Variants in ZNF69 observed in about 807,000 individuals in gnomAD.
ZNF69 encodes ZNF3.
Under a neutral mutation model 50.9 loss-of-function variants are expected in ZNF69, and 47 were observed. That is an observed-to-expected ratio of 0.92 (90% CI 0.73 to 1.18). ZNF69 has a LOEUF of 1.18. Among genes scored for constraint, ZNF69 ranks in the 50% most tolerant of loss-of-function variants. The pLI, the probability that ZNF69 is intolerant of heterozygous loss-of-function variation, is 0.00. For missense variants in ZNF69, 717 were observed against 675.1 expected (o/e 1.06, Z -0.69); for synonymous variants, 216 against 223.1 (o/e 0.97, Z 0.29).
chr19:11,923,997 CT>C, the ZNF69 span, among the ~76,000 whole-genome samples: 1 of 152,174 alleles, frequency 6.6e-6, no homozygotes, highest in African/African-American at 2.4e-5. Context: ...CTGCAGAGCC[CT>C]GGAAAGCAGA....
At chr19:11,915,999 G>A (rs554792993), downstream of ZNF69, among the ~76,000 whole-genome samples, 39 of 152,274 alleles carry the variant, frequency 2.6e-4, no homozygotes, top group Middle Eastern at 0.01. Flanking sequence ...CATTGGAGGA[G>A]CCCTTTATAC....
At chr19:11,898,837 G>C (rs766702065) in intron 1 of ZNF69, among the ~76,000 whole-genome samples, 5 of 152,142 alleles carry the variant, frequency 3.3e-5, no homozygotes, top group Non-Finnish European at 7.4e-5. Flanking sequence ...CTGTTTCAAA[G>C]AAAATAATTG....
intron 1 of ZNF69, among the ~76,000 whole-genome samples, chr19:11,900,201 G>A (rs1029124366): frequency 3.9e-5 from 6 of 151,924 alleles, no homozygotes; most frequent in South Asian, 4.1e-4. Flanking sequence ...TGATCCACCC[G>A]CCTCAGCTTC....
At chr19:11,948,896 G>A in the ZNF69 span, 11 of 1,603,908 alleles carry the variant, frequency 6.9e-6, no homozygotes, top group Non-Finnish European at 9.3e-6. Flanking sequence ...CATAGTTCTA[G>A]TTCCTATCAT....
the ZNF69 span, chr19:11,977,538 C>G: frequency 7.4e-7 from 1 of 1,359,042 alleles, no homozygotes; most frequent in South Asian, 1.3e-5. Flanking sequence ...AAATTCATCT[C>G]TTCTTAGAAT....
At chr19:11,961,558 CA>C in the ZNF69 span, 1 of 152,176 alleles carries the variant, frequency 6.6e-6, no homozygotes, top group East Asian at 1.9e-4. Flanking sequence ...AGGTTTGCTT[CA>C]CAGGAAACTG....
chr19:11,922,186 A>G, the ZNF69 span, among the ~76,000 whole-genome samples: 1 of 151,734 alleles, frequency 6.6e-6, no homozygotes, highest in Non-Finnish European at 1.5e-5. Context: ...CTTAAGCATT[A>G]TTATGTTTTA....
At chr19:11,976,905 A>G in the ZNF69 span, 1 of 1,530,484 alleles carries the variant, frequency 6.5e-7, no homozygotes, top group African/African-American at 1.4e-5. Context: ...AAGTACAGAA[A>G]GCGAGAAAGG....
At chr19:11,943,809 A>G in the ZNF69 span, among the ~76,000 whole-genome samples, 2 of 152,210 alleles carry the variant, frequency 1.3e-5, no homozygotes, top group Admixed American at 1.3e-4. Context: ...ACAAGTCCAA[A>G]TTTTAAGGAG....
At chr19:11,918,425 G>A (rs1187140417), downstream of ZNF69, among the ~76,000 whole-genome samples, 1 of 152,096 alleles carries the variant, frequency 6.6e-6, no homozygotes, top group Non-Finnish European at 1.5e-5. Flanking sequence ...CATCTTCTGT[G>A]TAGCAGTATC....
the ZNF69 span, chr19:11,979,247 A>G: frequency 2.5e-6 from 4 of 1,612,846 alleles, no homozygotes; most frequent in Non-Finnish European, 3.4e-6. Flanking sequence ...CAGTATCATG[A>G]AAGGACTCAC....
At position 11,905,356 on chromosome 19, in the gene ZNF69, G is replaced by A. The variant is rs149942869; in HGVS notation, c.959G>A (p.Arg320His). Residue 320 changes from arginine (R) to histidine (H), a missense_variant, in exon 4 of 4, where the codon CGT (arginine) becomes CAT (histidine). By Grantham distance (29) the Arg-to-His change is conservative (BLOSUM62 0). Transcript: ENST00000429654. ...GKAFTCPQYV[R>H]IHERTHSRKK... is the part of the protein sequence containing the mutation. ...GCATTCACGTGTCCCCAGTATGTTC[G>A]TATACATGAAAGGACCCACTCTAGG... 5.3e-5 allele frequency: 85 copies of A among 1,614,070 alleles called. No individual in the cohort carries two copies. The highest frequency in any genetic ancestry group is 1.9e-4 in the African/African-American group (14 of 75,018).
downstream of ZNF69, among the ~76,000 whole-genome samples, chr19:11,918,188 A>G (rs535234136): frequency 2.0e-5 from 3 of 152,358 alleles, no homozygotes; most frequent in East Asian, 5.8e-4. Flanking sequence ...GTTGTAGATT[A>G]TGGGTAAATT....
At chr19:11,948,141 C>T in the ZNF69 span, 4 of 1,034,466 alleles carry the variant, frequency 3.9e-6, no homozygotes, top group South Asian at 6.5e-5. Context: ...TGTCCAGTCA[C>T]CTTCAAACGA....
At chr19:11,974,402 G>A in the ZNF69 span, among the ~76,000 whole-genome samples, 2 of 151,398 alleles carry the variant, frequency 1.3e-5, no homozygotes, top group South Asian at 2.1e-4. Flanking sequence ...TTACCATGTT[G>A]GCCGGGGTGG....
At chr19:11,895,915 A>G (rs995053990) in intron 1 of ZNF69, among the ~76,000 whole-genome samples, 3 of 152,192 alleles carry the variant, frequency 2.0e-5, no homozygotes, top group Non-Finnish European at 4.4e-5. Flanking sequence ...TCATAGTTTC[A>G]CATTACCTTA....
the ZNF69 span, chr19:11,979,679 C>A: frequency 6.2e-7 from 1 of 1,602,814 alleles, no homozygotes; most frequent in Non-Finnish European, 8.5e-7. Context: ...CCTTCAAATG[C>A]ATGCTGGGAC....
the ZNF69 span, chr19:11,949,958 A>T: frequency 6.2e-7 from 1 of 1,614,102 alleles, no homozygotes; most frequent in Middle Eastern, 1.6e-4. Context: ...CACACTGGAG[A>T]GAAACCCTAT....
the ZNF69 span, among the ~76,000 whole-genome samples, chr19:11,928,854 T>C: frequency 6.8e-6 from 1 of 147,028 alleles, no homozygotes; most frequent in Non-Finnish European, 1.5e-5. Context: ...CCAAGGCAGG[T>C]GGATGGCTTG....
Sources: gnomAD v4.1 joint callset for allele counts (sites outside exome capture counted in the v4.1 genomes callset) on GRCh38, gnomAD v4.1.1 for gene constraint, MANE v1.5 for transcripts, NCBI Gene and HGNC (gene_info 2026-07-23, HGNC 2026-07-21) for gene names.